Variants in FBXL17 observed in about 807,000 individuals in gnomAD.
The protein encoded by FBXL17 is F-box/LRR-repeat protein 17.
A neutral mutation model predicts 66.2 loss-of-function variants in FBXL17; 22 were observed. That is an observed-to-expected ratio of 0.33 (90% CI 0.24 to 0.47). The LOEUF is 0.47. FBXL17 is among the 20% of genes least tolerant of loss of function. The pLI is 1.00. For missense variants in FBXL17, 878 were observed against 948.2 expected, an observed-to-expected ratio of 0.93 and a Z score of 0.97; for synonymous variants, 474 against 400.5, an observed-to-expected ratio of 1.18 and a Z score of -2.19.
At chr5:108,296,130 TAA>T (rs1758340989) in intron 4 of FBXL17, among the ~76,000 whole-genome samples, 1 of 151,654 alleles carries the variant, frequency 6.6e-6, no homozygotes, top group Non-Finnish European at 1.5e-5. Flanking sequence ...AAAGAAAGAA[TAA>T]AGTTATTTCC....
At chr5:108,115,247 A>G (rs376624950) in intron 6 of FBXL17, among the ~76,000 whole-genome samples, 18 of 152,204 alleles carry the variant, frequency 1.2e-4, no homozygotes, top group Admixed American at 5.9e-4. Context: ...AGGAGGAAAA[A>G]AAGAGAAACA....
chr5:107,865,189 T>C (rs1309903267), intron 8 of FBXL17, among the ~76,000 whole-genome samples: 1 of 152,234 alleles, frequency 6.6e-6, no homozygotes, highest in East Asian at 1.9e-4. Flanking sequence ...TTCCAATTTA[T>C]ACACAGGTTT....
chr5:107,887,875 A>T (rs888193831), intron 7 of FBXL17, among the ~76,000 whole-genome samples: 1 of 152,326 alleles, frequency 6.6e-6, no homozygotes, highest in African/African-American at 2.4e-5. Context: ...ACTGGAACAG[A>T]ATAACCTACA....
chr5:107,908,727 G>A (rs899431026), intron 7 of FBXL17, among the ~76,000 whole-genome samples: 2 of 152,156 alleles, frequency 1.3e-5, no homozygotes, highest in Non-Finnish European at 2.9e-5. Flanking sequence ...GGGAATGCTC[G>A]TGGTAGAATG....
At chr5:108,006,464 G>A (rs1050934087) in intron 7 of FBXL17, among the ~76,000 whole-genome samples, 2 of 152,192 alleles carry the variant, frequency 1.3e-5, no homozygotes, top group South Asian at 2.1e-4. Context: ...AAGTAAAAAG[G>A]TGAATAGTGA....
intron 7 of FBXL17, among the ~76,000 whole-genome samples, chr5:107,964,071 A>G (rs533461774): frequency 6.4e-4 from 97 of 152,260 alleles, no homozygotes; most frequent in African/African-American, 2.3e-3. Context: ...TGTCAGTGGG[A>G]GCTTTATAAG....
chr5:108,252,122 A>G (rs550898790), intron 4 of FBXL17, among the ~76,000 whole-genome samples: 1 of 152,268 alleles, frequency 6.6e-6, no homozygotes, highest in East Asian at 1.9e-4. Flanking sequence ...TGGAGACAAT[A>G]TAAAGAAAAG....
At chr5:108,187,386 G>A (rs757789381) in intron 5 of FBXL17, among the ~76,000 whole-genome samples, 6 of 152,130 alleles carry the variant, frequency 3.9e-5, no homozygotes, top group African/African-American at 7.2e-5. Flanking sequence ...TAAGGCAAAG[G>A]GGATTTTGCA....
intron 5 of FBXL17, among the ~76,000 whole-genome samples, chr5:108,195,414 C>T (rs1221921747): frequency 1.3e-5 from 2 of 151,998 alleles, no homozygotes; most frequent in Non-Finnish European, 2.9e-5. Context: ...TGGAAACTGT[C>T]CCAGCACTTT....
At chr5:108,306,230 C>T (rs1244519372) in intron 4 of FBXL17, among the ~76,000 whole-genome samples, 1 of 151,936 alleles carries the variant, frequency 6.6e-6, no homozygotes, top group Non-Finnish European at 1.5e-5. Flanking sequence ...AATACACTTC[C>T]AACTGCCTCA....
At chr5:107,945,760 T>C (rs1007016074) in intron 7 of FBXL17, among the ~76,000 whole-genome samples, 3 of 152,168 alleles carry the variant, frequency 2.0e-5, no homozygotes, top group Non-Finnish European at 2.9e-5. Flanking sequence ...AGAAGGCTGG[T>C]AACTTTTGGA....
intron 6 of FBXL17, among the ~76,000 whole-genome samples, chr5:108,169,418 T>C (rs1046952109): frequency 3.3e-5 from 5 of 152,188 alleles, no homozygotes; most frequent in African/African-American, 9.6e-5. Context: ...AAAACAACTG[T>C]TGTTTTGGTT....
At position 108,001,491 on chromosome 5, in the gene FBXL17, T is replaced by C. The variant is rs562238125; in HGVS notation, c.1822+19434A>G. ...GCTGAAAATGCAGAAGGAAAATTAG[T>C]TTTTTTTTGTATTTTTTTTTGTTTT... On this transcript the variant is annotated intron_variant, in intron 7 of 8. Transcript: ENST00000542267. 9.2e-5 allele frequency among the ~76,000 whole-genome samples: 14 copies of C among 151,364 alleles called. No homozygotes were observed. The South Asian group carries it at 2.9e-3, about 32-fold the overall frequency.
intron 7 of FBXL17, among the ~76,000 whole-genome samples, chr5:107,973,674 C>T (rs1752469164): frequency 6.6e-6 from 1 of 151,954 alleles, no homozygotes; most frequent in South Asian, 2.1e-4. Context: ...TTTGTAACTC[C>T]TGTTAGCTTA....
At chr5:108,169,084 C>T (rs1328940670) in intron 6 of FBXL17, among the ~76,000 whole-genome samples, 2 of 152,090 alleles carry the variant, frequency 1.3e-5, no homozygotes, top group African/African-American at 2.4e-5. Context: ...CCTGTCAGGG[C>T]CTGCTTGGTA....
At chr5:108,353,862 C>T (rs1321799265) in intron 3 of FBXL17, among the ~76,000 whole-genome samples, 1 of 152,204 alleles carries the variant, frequency 6.6e-6, no homozygotes, top group African/African-American at 2.4e-5. Flanking sequence ...TCTCCCCACA[C>T]CTAACCACTA....
At chr5:108,177,932 T>TATATATATATATAC (rs1242739302) in intron 6 of FBXL17, among the ~76,000 whole-genome samples, 85 of 126,888 alleles carry the variant, frequency 6.7e-4, no homozygotes, top group African/African-American at 1.9e-3. Context: ...TATATATATA[T>TATATATATATATAC]ACACACACAC....
chr5:108,240,145 TATAGGGAAAAAAAC>T (rs1397630571), intron 4 of FBXL17, among the ~76,000 whole-genome samples: 2 of 152,012 alleles, frequency 1.3e-5, no homozygotes, highest in Admixed American at 1.3e-4. Context: ...CTGTTGTGGC[TATAGGGAAAAAAAC>T]TCCTTCTACT....
intron 4 of FBXL17, among the ~76,000 whole-genome samples, chr5:108,270,556 C>A: frequency 6.7e-6 from 1 of 149,498 alleles, no homozygotes; most frequent in African/African-American, 2.4e-5. Context: ...AACATGTTCT[C>A]AAGGAAATTT....
Sources: allele counts gnomAD v4.1 joint callset (sites outside exome capture counted in the v4.1 genomes callset), GRCh38; gene constraint gnomAD v4.1.1; transcripts MANE v1.5; gene names NCBI Gene and HGNC (gene_info 2026-07-23, HGNC 2026-07-21).